The following PPARGC1A variants were observed in gnomAD, a reference collection of about 807,000 sequenced individuals.
PPARGC1A encodes the protein PPARG coactivator 1 alpha.
A neutral mutation model predicts 88.7 loss-of-function variants in PPARGC1A; 25 were observed. That is an observed-to-expected ratio of 0.28 (90% CI 0.21 to 0.39). PPARGC1A has a LOEUF of 0.39. Among genes scored for constraint, PPARGC1A ranks in the 10% least tolerant of loss-of-function variants. PPARGC1A has a pLI of 1.00. For missense variants in PPARGC1A, 880 were observed against 968.7 expected, an observed-to-expected ratio of 0.91 and a Z score of 1.22; for synonymous variants, 363 against 355.6, an observed-to-expected ratio of 1.02 and a Z score of -0.24.
chr4:24,298,315 C>T, the PPARGC1A span, among the ~76,000 whole-genome samples: 1 of 152,144 alleles, frequency 6.6e-6, no homozygotes, highest in Non-Finnish European at 1.5e-5. Context: ...GGGCTCTAAT[C>T]CTGGATCTGA....
At chr4:23,814,747 T>TA in intron 7 of PPARGC1A, 142 bp from the exon 8 acceptor site, 1 of 808,264 alleles carries the variant, frequency 1.2e-6, no homozygotes. Context: ...AGAAGGAAAC[T>TA]AATTTCATGA....
chr4:24,209,043 A>G, the PPARGC1A span, among the ~76,000 whole-genome samples: 1 of 152,168 alleles, frequency 6.6e-6, no homozygotes, highest in Non-Finnish European at 1.5e-5. Flanking sequence ...ACAATGCACC[A>G]TTATGGTCTT....
the PPARGC1A span, among the ~76,000 whole-genome samples, chr4:23,975,317 T>C: frequency 2.0e-5 from 3 of 152,286 alleles, no homozygotes; most frequent in East Asian, 5.8e-4. Flanking sequence ...TAAACAACCA[T>C]GTGAAAATAA....
the PPARGC1A span, among the ~76,000 whole-genome samples, chr4:24,272,767 G>T: frequency 5.8e-3 from 881 of 152,204 alleles, 8 homozygotes; most frequent in African/African-American, 0.02. Flanking sequence ...GCTAATTAAG[G>T]AACTGTCTGA....
chr4:24,005,508 T>C, the PPARGC1A span, among the ~76,000 whole-genome samples: 3 of 152,268 alleles, frequency 2.0e-5, no homozygotes, highest in South Asian at 6.2e-4. Context: ...AGACAATCCC[T>C]ACAGATCCTG....
At chr4:24,285,918 G>T in the PPARGC1A span, among the ~76,000 whole-genome samples, 2 of 152,142 alleles carry the variant, frequency 1.3e-5, no homozygotes, top group Non-Finnish European at 2.9e-5. Context: ...AGCAGCAGTG[G>T]TTGCACTGAA....
the PPARGC1A span, among the ~76,000 whole-genome samples, chr4:23,976,472 T>C: frequency 6.6e-6 from 1 of 152,228 alleles, no homozygotes; most frequent in Non-Finnish European, 1.5e-5. Flanking sequence ...TTTCATACGA[T>C]GGCCTGAATT....
chr4:23,998,416 C>T, the PPARGC1A span, among the ~76,000 whole-genome samples: 5 of 151,872 alleles, frequency 3.3e-5, no homozygotes, highest in African/African-American at 4.8e-5. Context: ...TATCATATAA[C>T]GGCAAACCTA....
At chr4:24,454,082 T>C in the PPARGC1A span, among the ~76,000 whole-genome samples, 1 of 151,910 alleles carries the variant, frequency 6.6e-6, no homozygotes, top group African/African-American at 2.4e-5. Flanking sequence ...CTGGGCTAGC[T>C]TACTGGATGA....
the PPARGC1A span, among the ~76,000 whole-genome samples, chr4:24,469,050 GGTAGA>G: frequency 6.6e-6 from 1 of 152,066 alleles, no homozygotes; most frequent in Non-Finnish European, 1.5e-5. Flanking sequence ...TTTTAATTGA[GGTAGA>G]GTAAACAAAT....
At chr4:24,085,739 C>T in the PPARGC1A span, among the ~76,000 whole-genome samples, 1 of 152,204 alleles carries the variant, frequency 6.6e-6, no homozygotes, top group African/African-American at 2.4e-5. Context: ...ATTATCTCCT[C>T]ATGAAAAACC....
chr4:24,059,907 G>A, the PPARGC1A span, among the ~76,000 whole-genome samples: 1 of 152,118 alleles, frequency 6.6e-6, no homozygotes, highest in Admixed American at 6.5e-5. Flanking sequence ...CAGTCCACCT[G>A]GCTCTCTGAT....
At chr4:23,971,530 C>A in the PPARGC1A span, among the ~76,000 whole-genome samples, 1 of 152,166 alleles carries the variant, frequency 6.6e-6, no homozygotes, top group Non-Finnish European at 1.5e-5. Flanking sequence ...GTTTGAGTCC[C>A]AGAACTCAAG....
chr4:23,802,586 A>C (rs562601845), intron 10 of PPARGC1A, among the ~76,000 whole-genome samples: 1 of 148,770 alleles, frequency 6.7e-6, no homozygotes, highest in African/African-American at 2.5e-5. Flanking sequence ...GCTGACGCAG[A>C]GAATTGCTTG....
chr4:24,331,446 G>C, the PPARGC1A span, among the ~76,000 whole-genome samples: 1 of 152,054 alleles, frequency 6.6e-6, no homozygotes, highest in African/African-American at 2.4e-5. Context: ...GTATTAATTA[G>C]TTGTCAGTTT....
At chr4:24,062,687 T>C in the PPARGC1A span, among the ~76,000 whole-genome samples, 1 of 152,220 alleles carries the variant, frequency 6.6e-6, no homozygotes, top group East Asian at 1.9e-4. Context: ...AAATGAGGAA[T>C]AGGTGGGTGA....
chr4:23,892,409 T>C (rs1364291862), upstream of PPARGC1A, among the ~76,000 whole-genome samples: 1 of 149,128 alleles, frequency 6.7e-6, no homozygotes, highest in African/African-American at 2.5e-5. Context: ...ATTAAATAGA[T>C]TCCTAGGACA....
chr4:24,285,316 T>C, the PPARGC1A span, among the ~76,000 whole-genome samples: 19 of 152,204 alleles, frequency 1.2e-4, no homozygotes, highest in African/African-American at 3.9e-4. Flanking sequence ...AATTAAATCC[T>C]GGTCCCTGGT....
the PPARGC1A span, among the ~76,000 whole-genome samples, chr4:24,280,466 C>T: frequency 5.3e-5 from 8 of 152,080 alleles, no homozygotes; most frequent in East Asian, 1.2e-3. Context: ...CTCTTGGAAG[C>T]TCTTTTCCTT....
Sources: gnomAD v4.1 joint callset for allele counts (sites outside exome capture counted in the v4.1 genomes callset) on GRCh38, gnomAD v4.1.1 for gene constraint, MANE v1.5 for transcripts, NCBI Gene and HGNC (gene_info 2026-07-23, HGNC 2026-07-21) for gene names.